ADAMTS3: variants seen among roughly 807,000 people sequenced by gnomAD.
The protein encoded by ADAMTS3 is A disintegrin and metalloproteinase with thrombospondin motifs 3.
In ADAMTS3, 73 loss-of-function variants were observed where a neutral mutation model predicts 129.0. The observed-to-expected ratio is 0.57, with a 90% CI of 0.47 to 0.69. The LOEUF (loss-of-function observed/expected upper bound fraction) is 0.69, where lower values mean the gene tolerates loss of function less well. Ranked by LOEUF, ADAMTS3 falls within the 30% of genes least tolerant of loss-of-function variation. The pLI, the probability that ADAMTS3 is intolerant of heterozygous loss-of-function variation, is 0.00. For missense variants in ADAMTS3, 1,457 were observed against 1,514.5 expected (o/e 0.96, Z 0.63); for synonymous variants, 477 against 510.8 (o/e 0.93, Z 0.89).
intron 3 of ADAMTS3, among the ~76,000 whole-genome samples, chr4:72,530,685 T>A (rs1721004655): frequency 1.1e-5 from 1 of 92,264 alleles, no homozygotes; most frequent in Non-Finnish European, 1.9e-5. Context: ...ATATGTATAA[T>A]ATATATTGTA....
At chr4:72,497,777 A>G (rs550520803) in intron 3 of ADAMTS3, among the ~76,000 whole-genome samples, 7 of 152,046 alleles carry the variant, frequency 4.6e-5, no homozygotes, top group African/African-American at 1.7e-4. Flanking sequence ...CATTAACATA[A>G]AAACTGACCA....
intron 2 of ADAMTS3, among the ~76,000 whole-genome samples, chr4:72,565,285 T>C (rs1721994914): frequency 6.6e-6 from 1 of 152,182 alleles, no homozygotes; most frequent in Admixed American, 6.5e-5. Context: ...CTACAAACAT[T>C]ATTTGTCTTT....
chr4:72,540,751 C>T (rs1279559563), intron 3 of ADAMTS3, among the ~76,000 whole-genome samples: 1 of 152,216 alleles, frequency 6.6e-6, no homozygotes, highest in African/African-American at 2.4e-5. Flanking sequence ...GGTGCAAGTC[C>T]CAAGCCTTGG....
chr4:72,525,266 C>A (rs1419651631), intron 3 of ADAMTS3, among the ~76,000 whole-genome samples: 2 of 152,174 alleles, frequency 1.3e-5, no homozygotes, highest in African/African-American at 4.8e-5. Context: ...AGAAATCCTT[C>A]TTCTATGAGA....
At chr4:72,504,127 C>A (rs953386411) in intron 3 of ADAMTS3, among the ~76,000 whole-genome samples, 3 of 152,100 alleles carry the variant, frequency 2.0e-5, no homozygotes, top group African/African-American at 7.2e-5. Context: ...TTGATGCTAT[C>A]ATGAAGTTGT....
intron 3 of ADAMTS3, among the ~76,000 whole-genome samples, chr4:72,496,652 C>G (rs75758467): frequency 2.0e-5 from 3 of 151,954 alleles, no homozygotes; most frequent in Non-Finnish European, 4.4e-5. Context: ...TTATACTGTC[C>G]CTATTCATTT....
Position 72,568,854 on chromosome 4 carries a change from A to C in ADAMTS3, c.-92T>G. 3 of 975,828 alleles carry C rather than the reference A, an allele frequency of 3.1e-6. No homozygotes were observed. The highest frequency in any genetic ancestry group is 4.6e-6 in the Non-Finnish European group (3 of 645,758). 60.4% of individuals were successfully genotyped at this position (975,828 alleles called of 1,614,324 possible). A position where few individuals can be genotyped will look rare whatever the true frequency, so the allele number is the denominator to read the frequency against. Reference sequence around the variant, plus strand: ...CCCAAAATAAGTTTCTTTAAGAAAAAAAGGAAAAGGGAAAAAATGCGAAAT... The same window carrying C: ...CCCAAAATAAGTTTCTTTAAGAAAACAAGGAAAAGGGAAAAAATGCGAAAT... On this transcript the variant is annotated 5_prime_UTR_variant, in exon 1 of 22. Transcript: ENST00000286657.
chr4:72,455,552 T>A (rs548642210), intron 3 of ADAMTS3, among the ~76,000 whole-genome samples: 26 of 148,598 alleles, frequency 1.7e-4, no homozygotes, highest in Admixed American at 4.8e-4. Context: ...CAGCAAACCA[T>A]CATGGTACGT....
chr4:72,464,976 C>T (rs190726548), intron 3 of ADAMTS3, among the ~76,000 whole-genome samples: 4 of 152,092 alleles, frequency 2.6e-5, no homozygotes, highest in Admixed American at 2.6e-4. Flanking sequence ...GCCAAGCACT[C>T]CATCCAGGTG....
intron 4 of ADAMTS3, among the ~76,000 whole-genome samples, chr4:72,404,272 T>A (rs1010104783): frequency 1.3e-5 from 2 of 151,932 alleles, no homozygotes; most frequent in African/African-American, 4.8e-5. Context: ...TCAAAATCTA[T>A]AACCAAGCAA....
At chr4:72,455,570 T>C (rs1718527713) in intron 3 of ADAMTS3, among the ~76,000 whole-genome samples, 2 of 148,220 alleles carry the variant, frequency 1.3e-5, no homozygotes, top group Non-Finnish European at 3.0e-5. Context: ...CGTGTATAGC[T>C]ATGCAACAAA....
At chr4:72,514,632 C>A (rs1415737940) in intron 3 of ADAMTS3, among the ~76,000 whole-genome samples, 1 of 152,122 alleles carries the variant, frequency 6.6e-6, no homozygotes, top group Non-Finnish European at 1.5e-5. Flanking sequence ...AGTTAGTATT[C>A]ACTACCGACT....
chr4:72,566,433 T>C (rs1722022357), intron 2 of ADAMTS3, among the ~76,000 whole-genome samples: 1 of 152,134 alleles, frequency 6.6e-6, no homozygotes, highest in South Asian at 2.1e-4. Context: ...ACATAACACA[T>C]GAAACAATCA....
chr4:72,453,467 A>G (rs917637223), intron 3 of ADAMTS3, among the ~76,000 whole-genome samples: 14 of 151,812 alleles, frequency 9.2e-5, no homozygotes, highest in African/African-American at 2.9e-4. Context: ...AGTCAGTACT[A>G]TGTGTTATCC....
chr4:72,431,770 G>A (rs967948998), intron 3 of ADAMTS3, among the ~76,000 whole-genome samples: 2 of 151,824 alleles, frequency 1.3e-5, no homozygotes, highest in African/African-American at 4.8e-5. Context: ...GCAGAGTGAA[G>A]GGATATAACT....
rs1429096953 is a variant in ADAMTS3 at position 72,311,125 on chromosome 4, T to C, written c.1978A>G (p.Met660Val). 22 of 1,612,618 alleles carry C rather than the reference T, an allele frequency of 1.4e-5. No individual in the cohort carries two copies. Among genetic ancestry groups the C allele is most frequent in the East Asian group, 2.2e-5 (1 of 44,802 alleles). ...QSKETGDVAY[M>V]KQLVHDGTHC... ...GTTCCATCATGCACCAGTTGTTTCATGTAAGCAACATCTCCAGTCTCCTTG... is the reference window on the plus strand; with the variant it reads ...GTTCCATCATGCACCAGTTGTTTCACGTAAGCAACATCTCCAGTCTCCTTG... Residue 660 changes from methionine (M) to valine (V), a missense_variant, in exon 14 of 22, where the codon ATG (methionine) becomes GTG (valine). Physicochemically the swap from Met to Val is conservative, Grantham distance 21 (BLOSUM62 1). Transcript: ENST00000286657.
At chr4:72,327,114 G>GA (rs910183556) in intron 5 of ADAMTS3, among the ~76,000 whole-genome samples, 7 of 151,724 alleles carry the variant, frequency 4.6e-5, no homozygotes, top group Admixed American at 1.3e-4. Flanking sequence ...GAAAAATATT[G>GA]AAAAAAATCA....
chr4:72,335,637 G>A (rs1383644826), intron 5 of ADAMTS3, among the ~76,000 whole-genome samples: 1 of 151,888 alleles, frequency 6.6e-6, no homozygotes, highest in African/African-American at 2.4e-5. Flanking sequence ...TTTATGAACT[G>A]TAAATAATTT....
chr4:72,554,906 C>T (rs1325930825), intron 2 of ADAMTS3, among the ~76,000 whole-genome samples: 2 of 151,792 alleles, frequency 1.3e-5, no homozygotes, highest in Non-Finnish European at 2.9e-5. Flanking sequence ...TAGCTCTTAT[C>T]TGTAAATTAC....
Sources: gnomAD v4.1 joint callset for allele counts (sites outside exome capture counted in the v4.1 genomes callset) on GRCh38, gnomAD v4.1.1 for gene constraint, MANE v1.5 for transcripts, NCBI Gene and HGNC (gene_info 2026-07-23, HGNC 2026-07-21) for gene names.